ANK2: variants seen among roughly 807,000 people sequenced by gnomAD.
The protein encoded by ANK2 is ankyrin-2.
ANK2 carries 83 observed loss-of-function variants against 360.5 expected under a neutral mutation model. That is an observed-to-expected ratio of 0.23 (90% confidence interval 0.19 to 0.28). The LOEUF (loss-of-function observed/expected upper bound fraction) is 0.28, where lower values mean the gene tolerates loss of function less well. ANK2 is among the 10% of genes least tolerant of loss of function. The pLI is 1.00. For missense variants in ANK2, 4,201 were observed against 4,795.7 expected (o/e 0.88, Z 3.66); for synonymous variants, 1,740 against 1,759.5 (o/e 0.99, Z 0.28).
At position 113,367,692 on chromosome 4, in the gene ANK2, G is replaced by A; in HGVS notation, c.11159G>A (p.Gly3720Asp). ...PIVSEEDISVGYSTFQDGVPK... is the reference protein window; with the variant it reads ...PIVSEEDISVDYSTFQDGVPK... Reference sequence around the variant, plus strand: ...GTCTCAGAGGAAGACATTTCTGTTGGTTATTCCACTTTTCAGGATGGCGTC... The same window carrying A: ...GTCTCAGAGGAAGACATTTCTGTTGATTATTCCACTTTTCAGGATGGCGTC... The change falls in exon 42 of 46, where the codon GGT becomes GAT. Residue 3720 changes from glycine (G) to aspartate (D), a missense_variant. By Grantham distance (94) the Gly-to-Asp change is moderately conservative (BLOSUM62 -1). Coordinates refer to ENST00000357077, the MANE Select transcript of ANK2 (RefSeq NM_001148.6). 6.2e-7 allele frequency: 1 copy of A among 1,613,920 alleles called. No individual in the cohort carries two copies. The highest frequency in any genetic ancestry group is 8.5e-7 in the Non-Finnish European group (1 of 1,179,984).
chr4:112,809,861 G>C, the ANK2 span, among the ~76,000 whole-genome samples: 2 of 149,458 alleles, frequency 1.3e-5, no homozygotes, highest in South Asian at 2.1e-4. Flanking sequence ...ACAAAAATTA[G>C]AAAAATTAGA....
At position 113,354,871 on chromosome 4, in the gene ANK2, G is replaced by A; in HGVS notation, c.6253G>A (p.Glu2085Lys). 1 of 1,614,126 alleles carries A rather than the reference G, an allele frequency of 6.2e-7. No homozygotes were observed. ...VKKEDAAGGK[E>K]KVLSHKIPEP... ...GAAAGAAGATGCAGCTGGAGGAAAG[G>A]AGAAAGTTCTCAGCCACAAAATACC... is the stretch of plus-strand genomic sequence containing the variant. The change falls in exon 38 of 46, where the codon GAG becomes AAG. Residue 2085 changes from glutamate (E) to lysine (K), a missense_variant. Coordinates refer to ENST00000357077, the MANE Select transcript of ANK2 (RefSeq NM_001148.6).
chr4:113,102,309 C>T (rs2092983998), intron 1 of ANK2, among the ~76,000 whole-genome samples: 1 of 151,992 alleles, frequency 6.6e-6, no homozygotes, highest in African/African-American at 2.4e-5. Context: ...GGGTACTATT[C>T]ACTTAGATGG....
intron 1 of ANK2, among the ~76,000 whole-genome samples, chr4:112,897,764 A>G (rs2082170998): frequency 6.6e-6 from 1 of 152,206 alleles, no homozygotes; most frequent in African/African-American, 2.4e-5. Context: ...CGTTTCAGCT[A>G]GCAGCGGCAG....
chr4:113,382,692 G>A lies in ANK2; in HGVS notation c.*1221G>A, dbSNP rs375692026. 3.7e-4 allele frequency: 56 copies of A among 150,424 alleles called. No homozygotes were observed. The highest frequency in any genetic ancestry group is 8.4e-4 in the South Asian group (4 of 4,754). 9.3% of individuals were successfully genotyped at this position (150,424 alleles called of 1,614,324 possible). A position where few individuals can be genotyped will look rare whatever the true frequency, so the allele number is the denominator to read the frequency against. On this transcript the variant is annotated 3_prime_UTR_variant, in exon 46 of 46. Transcript: ENST00000357077. ...ATCTTCTCTAATACCTGCATGTGGC[G>A]TTTAAAAATCAAGACCACGGTCAAA...
At chr4:112,747,960 T>C in the ANK2 span, among the ~76,000 whole-genome samples, 7 of 152,232 alleles carry the variant, frequency 4.6e-5, 1 homozygote, top group Non-Finnish European at 1.0e-4. Context: ...GTATATTTAC[T>C]AATTTTTTCC....
At chr4:113,166,433 G>T (rs2097757872) in intron 1 of ANK2, among the ~76,000 whole-genome samples, 1 of 151,848 alleles carries the variant, frequency 6.6e-6, no homozygotes, top group Admixed American at 6.6e-5. Context: ...ATATAAGTGT[G>T]TATGTATATA....
At chr4:113,094,994 A>C (rs1466490036) in intron 1 of ANK2, among the ~76,000 whole-genome samples, 1 of 152,224 alleles carries the variant, frequency 6.6e-6, no homozygotes, top group Non-Finnish European at 1.5e-5. Flanking sequence ...GGGAAAGTCA[A>C]AGCAACAGGT....
In ANK2 at chr4:113,353,684, G is replaced by A; in HGVS notation, c.5066G>A (p.Ser1689Asn). Residue 1689 changes from serine to asparagine, a missense_variant, in exon 38 of 46, where the codon AGT becomes AAT. Ser to Asn is a conservative substitution (Grantham distance 46). Coordinates refer to ENST00000357077, the MANE Select transcript of ANK2 (RefSeq NM_001148.6). ...GACATACCCCCAGATGAGACACAGA[G>A]TACACAGAAACAGCACAAACCAAGC... ...GKDIPPDETQSTQKQHKPSLG... is the reference protein window; with the variant it reads ...GKDIPPDETQNTQKQHKPSLG... 1 of 1,613,892 alleles carries A rather than the reference G, an allele frequency of 6.2e-7. No individual in the cohort carries two copies. Among genetic ancestry groups the A allele is most frequent in the Non-Finnish European group, 8.5e-7 (1 of 1,179,956 alleles).
chr4:112,940,741 C>T, intron 2 of ANK2, among the ~76,000 whole-genome samples: 1 of 152,086 alleles, frequency 6.6e-6, no homozygotes, highest in East Asian at 1.9e-4. Flanking sequence ...GAATCTATTG[C>T]AAATCTGTAA....
At chr4:113,140,417 C>T (rs1395002154) in intron 1 of ANK2, among the ~76,000 whole-genome samples, 5 of 152,144 alleles carry the variant, frequency 3.3e-5, no homozygotes, top group Non-Finnish European at 5.9e-5. Context: ...TAACATAGAT[C>T]TTACATATTA....
chr4:113,080,306 C>T, intron 1 of ANK2, among the ~76,000 whole-genome samples: 1 of 152,152 alleles, frequency 6.6e-6, no homozygotes, highest in East Asian at 1.9e-4. Flanking sequence ...ACGTGGTTAG[C>T]TGGGCTCTGA....
intron 1 of ANK2, among the ~76,000 whole-genome samples, chr4:113,169,225 AT>A (rs1259070565): frequency 1.3e-5 from 2 of 152,158 alleles, no homozygotes; most frequent in African/African-American, 2.4e-5. Flanking sequence ...AAGTACATTT[AT>A]TTTTTTGATA....
chr4:113,332,111 C>G (rs779497168), intron 28 of ANK2, 41 bp downstream of exon 28: 12 of 1,485,816 alleles, frequency 8.1e-6, no homozygotes, highest in Non-Finnish European at 1.1e-5. Flanking sequence ...GCTGGCCCCC[C>G]ATTCTTCTCC....
intron 1 of ANK2, among the ~76,000 whole-genome samples, chr4:113,068,943 G>A (rs2076574414): frequency 6.6e-6 from 1 of 152,076 alleles, no homozygotes; most frequent in African/African-American, 2.4e-5. Flanking sequence ...CATGCCTATA[G>A]TCCCAGCTAC....
chr4:112,878,850 C>T (rs1385365894), intron 1 of ANK2, among the ~76,000 whole-genome samples: 1 of 151,724 alleles, frequency 6.6e-6, no homozygotes, highest in Non-Finnish European at 1.5e-5. Context: ...GTCTCGATCT[C>T]CTGACCTCGT....
chr4:112,790,096 A>G, the ANK2 span, among the ~76,000 whole-genome samples: 1 of 152,296 alleles, frequency 6.6e-6, no homozygotes, highest in African/African-American at 2.4e-5. Flanking sequence ...CCAGGTACCA[A>G]AAGGATTAGA....
chr4:112,764,405 G>A, the ANK2 span, among the ~76,000 whole-genome samples: 148 of 151,192 alleles, frequency 9.8e-4, no homozygotes, highest in African/African-American at 3.3e-3. Context: ...GCCCGATCTC[G>A]GCTCATTGCA....
At chr4:113,280,618 G>A (rs1440388418) in intron 17 of ANK2, among the ~76,000 whole-genome samples, 2 of 152,124 alleles carry the variant, frequency 1.3e-5, no homozygotes, top group Admixed American at 6.6e-5. Flanking sequence ...CTTTGGCCAC[G>A]AGAACTTTGC....
Sources: allele counts gnomAD v4.1 joint callset (sites outside exome capture counted in the v4.1 genomes callset), GRCh38; gene constraint gnomAD v4.1.1; transcripts MANE v1.5; gene names NCBI Gene and HGNC (gene_info 2026-07-23, HGNC 2026-07-21).